SLC24A3: variants seen among roughly 807,000 people sequenced by gnomAD.
SLC24A3 encodes the protein solute carrier family 24 member 3, also known as sodium/potassium/calcium exchanger 3.
In SLC24A3, 28 loss-of-function variants were observed where a neutral mutation model predicts 75.8. The ratio of observed to expected loss-of-function variants is 0.37; its 90% CI spans 0.27 to 0.51. The LOEUF is 0.51. Ranked by LOEUF, SLC24A3 falls within the 20% of genes least tolerant of loss-of-function variation. The pLI, the probability that SLC24A3 is intolerant of heterozygous loss-of-function variation, is 0.94. For missense variants in SLC24A3, 663 were observed against 847.8 expected, an observed-to-expected ratio of 0.78 and a Z score of 2.71; for synonymous variants, 372 against 334.1, an observed-to-expected ratio of 1.11 and a Z score of -1.24.
chr20:19,222,185 A>G (rs1981733392), intron 1 of SLC24A3, among the ~76,000 whole-genome samples: 1 of 152,164 alleles, frequency 6.6e-6, no homozygotes, highest in Non-Finnish European at 1.5e-5. Flanking sequence ...GTTCCGCTTC[A>G]GTGGTACAAT....
At chr20:19,645,459 G>T (rs2032126194) in intron 6 of SLC24A3, among the ~76,000 whole-genome samples, 1 of 152,092 alleles carries the variant, frequency 6.6e-6, no homozygotes, top group South Asian at 2.1e-4. Context: ...TGGGTCTAAG[G>T]ACAATCCTAG....
At chr20:19,453,924 G>A (rs188236244) in intron 2 of SLC24A3, among the ~76,000 whole-genome samples, 11 of 152,336 alleles carry the variant, frequency 7.2e-5, no homozygotes, top group South Asian at 2.1e-4. Flanking sequence ...GAAAATACAC[G>A]CAAAGTCTTC....
At chr20:19,656,537 C>T (rs1443570875) in intron 7 of SLC24A3, among the ~76,000 whole-genome samples, 2 of 152,240 alleles carry the variant, frequency 1.3e-5, no homozygotes, top group African/African-American at 4.8e-5. Context: ...CAGCAAGCTT[C>T]ATCCTTCTAT....
At chr20:19,643,318 T>C (rs2032097215) in intron 6 of SLC24A3, among the ~76,000 whole-genome samples, 1 of 152,212 alleles carries the variant, frequency 6.6e-6, no homozygotes, top group Non-Finnish European at 1.5e-5. Context: ...GTCCCCTTCA[T>C]TGCCAAACAC....
rs188236627 is a variant in SLC24A3 at position 19,638,512 on chromosome 20, G to A, written c.613-15550G>A. ...ACTCATTTTCAAATACCCAAGAAAG[G>A]AGGAGTGGAGTGAGGGAGAGGAGAA... On this transcript the variant is annotated intron_variant, in intron 6 of 16. Transcript: ENST00000328041. Among the ~76,000 whole-genome samples, 265 of 152,266 alleles carry A rather than the reference G, an allele frequency of 1.7e-3. 1 individual carries two copies. The Middle Eastern group carries it at 0.02, about 12-fold the overall frequency.
At chr20:19,239,333 T>C (rs1176515600) in intron 1 of SLC24A3, among the ~76,000 whole-genome samples, 1 of 152,088 alleles carries the variant, frequency 6.6e-6, no homozygotes, top group Non-Finnish European at 1.5e-5. Flanking sequence ...GTGCATTGCC[T>C]TTCTAGTGCC....
chr20:19,525,561 G>A (rs1225491079), intron 3 of SLC24A3, among the ~76,000 whole-genome samples: 1 of 152,106 alleles, frequency 6.6e-6, no homozygotes, highest in East Asian at 1.9e-4. Flanking sequence ...GGGGAGGAGG[G>A]GCATCTATCC....
intron 3 of SLC24A3, among the ~76,000 whole-genome samples, chr20:19,519,711 C>T (rs1297848028): frequency 6.6e-6 from 1 of 152,168 alleles, no homozygotes; most frequent in Non-Finnish European, 1.5e-5. Context: ...TTCATTGAGC[C>T]TGTGCCAAGT....
intron 3 of SLC24A3, among the ~76,000 whole-genome samples, chr20:19,521,918 G>A (rs2030106052): frequency 6.8e-6 from 1 of 147,516 alleles, no homozygotes; most frequent in African/African-American, 2.5e-5. Context: ...CTCACTCCCA[G>A]GGGTATTTTT....
chr20:19,631,264 T>TTA (rs773484897), intron 6 of SLC24A3, among the ~76,000 whole-genome samples: 2 of 152,156 alleles, frequency 1.3e-5, no homozygotes, highest in Non-Finnish European at 2.9e-5. Context: ...GAGACTGAGG[T>TTA]TAAGCCTTGG....
chr20:19,577,957 C>A (rs1433965952), intron 3 of SLC24A3, among the ~76,000 whole-genome samples: 1 of 152,136 alleles, frequency 6.6e-6, no homozygotes, highest in Non-Finnish European at 1.5e-5. Context: ...TCCACAGGAT[C>A]TAGTGTTAAA....
At chr20:19,558,323 A>T (rs2030822257) in intron 3 of SLC24A3, among the ~76,000 whole-genome samples, 1 of 152,010 alleles carries the variant, frequency 6.6e-6, no homozygotes, top group South Asian at 2.1e-4. Flanking sequence ...TTTTATTTTG[A>T]AATAATTTTA....
intron 3 of SLC24A3, among the ~76,000 whole-genome samples, chr20:19,562,498 G>A (rs62200456): frequency 1.3e-5 from 2 of 152,166 alleles, no homozygotes; most frequent in Admixed American, 1.3e-4. Context: ...GCCCAACTGA[G>A]CTAATTGTCT....
chr20:19,386,623 A>C (rs1328587438), intron 2 of SLC24A3, among the ~76,000 whole-genome samples: 1 of 152,156 alleles, frequency 6.6e-6, no homozygotes, highest in African/African-American at 2.4e-5. Context: ...TTTATTATGA[A>C]AGGATGCCAG....
chr20:19,540,904 C>T, intron 3 of SLC24A3, among the ~76,000 whole-genome samples: 1 of 152,184 alleles, frequency 6.6e-6, no homozygotes, highest in Non-Finnish European at 1.5e-5. Context: ...ATAACAATGT[C>T]ACTTTAGATG....
intron 1 of SLC24A3, 71 bp downstream of exon 1, chr20:19,213,055 G>T: frequency 4.4e-6 from 5 of 1,145,060 alleles, no homozygotes; most frequent in Non-Finnish European, 5.4e-6. Context: ...GGCTGGGCGC[G>T]GGGCTCCTTC....
chr20:19,629,540 C>G (rs2031909201), intron 6 of SLC24A3, among the ~76,000 whole-genome samples: 5 of 152,126 alleles, frequency 3.3e-5, no homozygotes, highest in Admixed American at 3.3e-4. Context: ...AATGGGCATA[C>G]AAATTCAAGG....
intron 2 of SLC24A3, among the ~76,000 whole-genome samples, chr20:19,312,885 TG>T (rs1984492831): frequency 6.6e-6 from 1 of 152,160 alleles, no homozygotes; most frequent in Admixed American, 6.5e-5. Flanking sequence ...GCAATGGTGA[TG>T]CTGGCACAGC....
chr20:19,311,995 C>G (rs1984469988), intron 2 of SLC24A3, among the ~76,000 whole-genome samples: 1 of 152,144 alleles, frequency 6.6e-6, no homozygotes, highest in Non-Finnish European at 1.5e-5. Context: ...ATTCGCTGCT[C>G]TTGTTCTACT....
Sources: allele counts gnomAD v4.1 joint callset (sites outside exome capture counted in the v4.1 genomes callset), GRCh38; gene constraint gnomAD v4.1.1; transcripts MANE v1.5; gene names NCBI Gene and HGNC (gene_info 2026-07-23, HGNC 2026-07-21).